The following NLN variants were observed in gnomAD, a reference collection of about 807,000 sequenced individuals.
The protein encoded by NLN is neurolysin, mitochondrial.
NLN carries 64 observed loss-of-function variants against 79.9 expected under a neutral mutation model. That is an observed-to-expected ratio of 0.80 (90% CI 0.65 to 0.99). The LOEUF (loss-of-function observed/expected upper bound fraction) is 0.99. Among genes scored for constraint, NLN ranks in the 50% least tolerant of loss-of-function variants. The pLI is 0.00. For missense variants in NLN, 835 were observed against 858.7 expected (o/e 0.97, Z 0.34); for synonymous variants, 267 against 296.6 (o/e 0.90, Z 1.02).
chr5:65,763,276 A>C (rs1488955067), intron 3 of NLN, among the ~76,000 whole-genome samples, 168 bp downstream of exon 3: 1 of 152,210 alleles, frequency 6.6e-6, no homozygotes, highest in East Asian at 1.9e-4. Flanking sequence ...TATATCGTTG[A>C]GGTTATGTTG....
At chr5:65,783,435 C>T (rs780327408) in intron 6 of NLN, among the ~76,000 whole-genome samples, 17 of 152,146 alleles carry the variant, frequency 1.1e-4, no homozygotes, top group Non-Finnish European at 2.2e-4. Flanking sequence ...AGGCAAAGAT[C>T]TATCAGACAT....
chr5:65,812,400 T>G lies in NLN; in HGVS notation c.1980+9T>G, dbSNP rs1198793154. On this transcript the variant is annotated intron_variant, in intron 12 of 12. Transcript: ENST00000380985. ...GGATAATGAATCCAGAGGTATAGTA[T>G]TATTTTTCTCCTTTTATTAATTTTG... is the stretch of plus-strand genomic sequence containing the variant. 5 of 1,489,838 alleles carry G rather than the reference T, an allele frequency of 3.4e-6. No individual in the cohort carries two copies. The highest frequency in any genetic ancestry group is 4.6e-6 in the Non-Finnish European group (5 of 1,075,864). The allele number at this position is 1,489,838 out of a possible 1,614,324, so 92.3% of individuals were successfully genotyped here.
At chr5:65,811,516 T>C (rs1490947533) in intron 11 of NLN, among the ~76,000 whole-genome samples, 1 of 151,520 alleles carries the variant, frequency 6.6e-6, no homozygotes, top group African/African-American at 2.4e-5. Flanking sequence ...TAGATTGAAT[T>C]GGTGAAAAGT....
At chr5:65,724,641 A>G (rs145084287) in intron 1 of NLN, among the ~76,000 whole-genome samples, 12 of 152,178 alleles carry the variant, frequency 7.9e-5, no homozygotes, top group Non-Finnish European at 5.9e-5. Context: ...GGATAGTACT[A>G]TGTTTAGTTT....
intron 9 of NLN, among the ~76,000 whole-genome samples, chr5:65,800,088 CTT>C (rs896391912): frequency 6.6e-6 from 1 of 152,192 alleles, no homozygotes; most frequent in African/African-American, 2.4e-5. Context: ...GCACAATACA[CTT>C]ATTGATTTCA....
In NLN at chr5:65,824,044, T is replaced by G. The variant is rs1760862250; in HGVS notation, c.*1129T>G. 1 of 152,184 alleles carries G rather than the reference T, an allele frequency of 6.6e-6. No individual in the cohort carries two copies. The highest frequency in any genetic ancestry group is 1.5e-5 in the Non-Finnish European group (1 of 68,032). 9.4% of individuals were successfully genotyped at this position (152,184 alleles called of 1,614,324 possible). On this transcript the variant is annotated 3_prime_UTR_variant, in exon 13 of 13. Coordinates refer to ENST00000380985, the MANE Select transcript of NLN (RefSeq NM_020726.5). ...TGGATCTATCTTTAACTCTCTTTATTGTGAGTCTAAATTCCAATTCTGCAG... is the reference window on the plus strand; with the variant it reads ...TGGATCTATCTTTAACTCTCTTTATGGTGAGTCTAAATTCCAATTCTGCAG...
chr5:65,786,164 T>C (rs1759916275), intron 7 of NLN: 1 of 298,424 alleles, frequency 3.4e-6, no homozygotes, highest in African/African-American at 2.1e-5. Context: ...TAACATGACA[T>C]GTAGGTTCTA....
intron 1 of NLN, among the ~76,000 whole-genome samples, chr5:65,750,490 G>C (rs1361045353): frequency 6.6e-6 from 1 of 152,166 alleles, no homozygotes; most frequent in South Asian, 2.1e-4. Flanking sequence ...AGGCCAAAGC[G>C]GGTGGATTGC....
chr5:65,802,903 C>T (rs763433393), intron 9 of NLN, among the ~76,000 whole-genome samples: 8 of 151,914 alleles, frequency 5.3e-5, no homozygotes, highest in Non-Finnish European at 1.0e-4. Context: ...TTTGTCCCAC[C>T]ATCTTTTCAA....
At position 65,758,683 on chromosome 5, in the gene NLN, C is replaced by A. The variant is rs1759275495; in HGVS notation, c.158C>A (p.Ser53Ter). ...AGRNVLRWDL[S>*]PEQIKTRTEE... ...AGAAATGTTTTAAGATGGGATCTTTCACCAGAGCAAATTAAAACAAGAACT... is the reference window on the plus strand; with the variant it reads ...AGAAATGTTTTAAGATGGGATCTTTAACCAGAGCAAATTAAAACAAGAACT... The change falls in exon 2 of 13, where the codon TCA (serine) becomes TAA (stop). Residue 53 changes from serine (S) to a stop codon, truncating the protein, a stop_gained. Coordinates refer to ENST00000380985, the MANE Select transcript of NLN (RefSeq NM_020726.5). LOFTEE classifies it high-confidence loss of function. 6.2e-7 allele frequency: 1 copy of A among 1,613,654 alleles called. No individual in the cohort carries two copies. The highest frequency in any genetic ancestry group is 1.3e-5 in the African/African-American group (1 of 74,892).
At chr5:65,814,377 T>C (rs1162650564) in intron 12 of NLN, among the ~76,000 whole-genome samples, 1 of 152,140 alleles carries the variant, frequency 6.6e-6, no homozygotes, top group East Asian at 1.9e-4. Flanking sequence ...GACAAGTTTA[T>C]GTGTTCCCTT....
chr5:65,819,475 A>G (rs999506203), intron 12 of NLN, among the ~76,000 whole-genome samples: 3 of 152,204 alleles, frequency 2.0e-5, no homozygotes, highest in Admixed American at 2.0e-4. Context: ...CTGAGTCTAG[A>G]GTTCCTGATC....
Position 65,758,560 on chromosome 5 carries a change from T to G in NLN, c.42-7T>G. ...CTAATTCTTATTCTTTTTCTGATTC[T>G]TTTTAGAGTTGGTGGTTCCAGGATT... On this transcript the variant is annotated splice_region_variant and splice_polypyrimidine_tract_variant and intron_variant, in intron 1 of 12. Coordinates refer to ENST00000380985, the MANE Select transcript of NLN (RefSeq NM_020726.5). 6.3e-7 allele frequency: 1 copy of G among 1,594,766 alleles called. No individual in the cohort carries two copies. The highest frequency in any genetic ancestry group is 8.6e-7 in the Non-Finnish European group (1 of 1,163,758).
At chr5:65,748,061 C>T (rs112859428) in intron 1 of NLN, among the ~76,000 whole-genome samples, 49 of 152,276 alleles carry the variant, frequency 3.2e-4, no homozygotes, top group African/African-American at 1.0e-3. Flanking sequence ...ATTAGCTGGG[C>T]GTAGTGGCAC....
At chr5:65,818,343 C>G (rs1760717865) in intron 12 of NLN, among the ~76,000 whole-genome samples, 1 of 152,142 alleles carries the variant, frequency 6.6e-6, no homozygotes, top group Admixed American at 6.5e-5. Context: ...CATATTTGTG[C>G]CTCTTTGGAC....
chr5:65,786,342 A>G (rs970765700), intron 7 of NLN, among the ~76,000 whole-genome samples: 1 of 152,196 alleles, frequency 6.6e-6, no homozygotes, highest in Non-Finnish European at 1.5e-5. Context: ...ACTTGTTAAT[A>G]TACAAAACTA....
intron 2 of NLN, among the ~76,000 whole-genome samples, chr5:65,760,176 A>G (rs1012838304): frequency 5.9e-5 from 9 of 152,174 alleles, no homozygotes; most frequent in African/African-American, 1.7e-4. Context: ...TCTCTACTCT[A>G]TGTTTCACTG....
At chr5:65,808,291 T>C (rs1474895779) in intron 9 of NLN, among the ~76,000 whole-genome samples, 1 of 152,174 alleles carries the variant, frequency 6.6e-6, no homozygotes, top group African/African-American at 2.4e-5. Flanking sequence ...GCAGAGTGGG[T>C]ATTTGCTGCT....
chr5:65,767,585 G>A (rs774388338), intron 3 of NLN, among the ~76,000 whole-genome samples: 10 of 152,188 alleles, frequency 6.6e-5, no homozygotes, highest in Non-Finnish European at 1.5e-4. Flanking sequence ...ATTGTCTTGG[G>A]CACTAACATT....
Sources: gnomAD v4.1 joint callset for allele counts (sites outside exome capture counted in the v4.1 genomes callset) on GRCh38, gnomAD v4.1.1 for gene constraint, MANE v1.5 for transcripts, NCBI Gene and HGNC (gene_info 2026-07-23, HGNC 2026-07-21) for gene names.